Variants in BACH2 observed in about 807,000 individuals in gnomAD.
BACH2 encodes the protein transcription regulator protein BACH2.
Under a neutral mutation model 61.8 loss-of-function variants are expected in BACH2, and 5 were observed. That is an observed-to-expected ratio of 0.08 (90% CI 0.04 to 0.17). BACH2 has a LOEUF of 0.17. Among genes scored for constraint, BACH2 ranks in the 10% least tolerant of loss-of-function variants. The pLI, the probability that BACH2 is intolerant of heterozygous loss-of-function variation, is 1.00. For synonymous variants in BACH2, 446 were observed against 440.1 expected, an observed-to-expected ratio of 1.01 and a Z score of -0.17; for missense variants, 824 against 1,091.1, an observed-to-expected ratio of 0.76 and a Z score of 3.45.
At chr6:89,994,302 C>T (rs1021298988) in intron 6 of BACH2, among the ~76,000 whole-genome samples, 4 of 152,144 alleles carry the variant, frequency 2.6e-5, no homozygotes, top group African/African-American at 7.2e-5. Flanking sequence ...GTTGGAAAAA[C>T]ATACGAGTTA....
At chr6:90,208,509 C>A (rs1582486283) in intron 3 of BACH2, among the ~76,000 whole-genome samples, 1 of 152,074 alleles carries the variant, frequency 6.6e-6, no homozygotes, top group African/African-American at 2.4e-5. Flanking sequence ...TGAGATACCA[C>A]CTCACACCAG....
chr6:90,109,930 T>A (rs1174742258), intron 4 of BACH2, among the ~76,000 whole-genome samples: 1 of 152,104 alleles, frequency 6.6e-6, no homozygotes, highest in African/African-American at 2.4e-5. Flanking sequence ...AACAAAACTT[T>A]AAAAAAATAG....
intron 6 of BACH2, among the ~76,000 whole-genome samples, chr6:89,978,599 T>C (rs1775779034): frequency 7.2e-6 from 1 of 138,808 alleles, no homozygotes; most frequent in Non-Finnish European, 1.5e-5. Flanking sequence ...AGTGCCACTC[T>C]GACCTAAATT....
Position 89,927,818 on chromosome 6 carries a change from C to T in BACH2, c.*4590G>A, listed in dbSNP as rs886821392. The stretch of plus-strand genomic sequence containing the variant: ...TGCACCGTCAGTTGAATAATTTATG[C>T]TCAATCTGCCACAATGAGACTTTTC... On this transcript the variant is annotated 3_prime_UTR_variant, in exon 9 of 9. Transcript: ENST00000257749. The T allele has an allele frequency of 6.5e-6, 1 of 152,796 alleles. No individual in the cohort carries two copies. The highest frequency in any genetic ancestry group is 2.4e-5 in the African/African-American group (1 of 41,452). 9.5% of individuals were successfully genotyped at this position (152,796 alleles called of 1,614,324 possible).
intron 4 of BACH2, among the ~76,000 whole-genome samples, chr6:90,113,534 T>C (rs950059206): frequency 1.3e-5 from 2 of 152,114 alleles, no homozygotes; most frequent in South Asian, 2.1e-4. Flanking sequence ...AAGAAGTTTA[T>C]TGAAAATAAT....
intron 4 of BACH2, chr6:90,116,811 T>C (rs1420052871): frequency 2.0e-6 from 1 of 506,548 alleles, no homozygotes; most frequent in Non-Finnish European, 3.5e-6. Context: ...TACACTTCTA[T>C]GTAGAGGTGT....
chr6:90,173,654 G>A (rs1767891209), intron 4 of BACH2, among the ~76,000 whole-genome samples: 1 of 152,106 alleles, frequency 6.6e-6, no homozygotes, highest in South Asian at 2.1e-4. Flanking sequence ...TAGATCAGTA[G>A]TTTCCTAATG....
At chr6:90,199,966 G>A (rs777255650) in intron 4 of BACH2, among the ~76,000 whole-genome samples, 3 of 152,056 alleles carry the variant, frequency 2.0e-5, no homozygotes, top group African/African-American at 4.8e-5. Flanking sequence ...CTCATCTCAC[G>A]GCCCTTTTAC....
At chr6:90,020,307 C>T (rs1778305205) in intron 5 of BACH2, among the ~76,000 whole-genome samples, 1 of 152,094 alleles carries the variant, frequency 6.6e-6, no homozygotes, top group African/African-American at 2.4e-5. Flanking sequence ...ACTTAATCCC[C>T]AATGTGGCAG....
rs1273816986 is a variant in BACH2 at position 90,170,045 on chromosome 6, C to G, written c.-162+36524G>C. ...ATATTTCTATTCATTTACTTTCTTA[C>G]TAAACAAGTGTCCAAGGAATTATAA... On this transcript the variant is annotated intron_variant, in intron 4 of 8. Coordinates refer to ENST00000257749, the MANE Select transcript of BACH2 (RefSeq NM_021813.4). 5.3e-5 allele frequency among the ~76,000 whole-genome samples: 8 copies of G among 152,118 alleles called. No individual in the cohort carries two copies. In the South Asian group the frequency reaches 1.7e-3, roughly 32 times the overall value.
At chr6:89,944,021 C>A (rs748547931) in intron 7 of BACH2, among the ~76,000 whole-genome samples, 1 of 152,228 alleles carries the variant, frequency 6.6e-6, no homozygotes, top group Non-Finnish European at 1.5e-5. Context: ...ATGGCAATGA[C>A]AAAATCTCCC....
chr6:90,118,355 C>T (rs1230491455), intron 4 of BACH2, among the ~76,000 whole-genome samples: 1 of 152,146 alleles, frequency 6.6e-6, no homozygotes, highest in Non-Finnish European at 1.5e-5. Flanking sequence ...AGTAAATATC[C>T]TTTTTAAGCA....
chr6:90,296,796 T>C lies in BACH2; in HGVS notation c.-762A>G, dbSNP rs1414621063. ...GGGCGTGCACGGCCGCTGCTGCCGC[T>C]GCTGCTGCTGCTGCTGCTGCTGAGG... On this transcript the variant is annotated 5_prime_UTR_variant, in exon 1 of 9. Transcript: ENST00000257749. 1.3e-5 allele frequency: 2 copies of C among 152,830 alleles called. No individual in the cohort carries two copies. Among genetic ancestry groups the C allele is most frequent in the Non-Finnish European group, 2.9e-5 (2 of 70,164 alleles). 9.5% of individuals were successfully genotyped at this position (152,830 alleles called of 1,614,324 possible).
chr6:90,134,478 G>T (rs540933117), intron 4 of BACH2, among the ~76,000 whole-genome samples: 3 of 152,204 alleles, frequency 2.0e-5, no homozygotes, highest in Non-Finnish European at 2.9e-5. Flanking sequence ...TTCCTGGTCG[G>T]ATGGGGTTAG....
intron 4 of BACH2, among the ~76,000 whole-genome samples, chr6:90,199,358 C>T (rs1306950255): frequency 2.0e-5 from 3 of 152,114 alleles, no homozygotes; most frequent in South Asian, 2.1e-4. Context: ...GAGAAGTCTA[C>T]GTAACTTAGG....
intron 4 of BACH2, among the ~76,000 whole-genome samples, chr6:90,130,134 G>A (rs995906872): frequency 4.6e-5 from 7 of 152,144 alleles, no homozygotes; most frequent in Non-Finnish European, 5.9e-5. Context: ...CCCTCTCCAA[G>A]TGTTGGGATT....
rs774175449 is a variant in BACH2 at position 89,938,311 on chromosome 6, G to A, written c.1876C>T (p.Pro626Ser). The A allele has an allele frequency of 6.2e-7, 1 of 1,614,186 alleles. No homozygotes were observed. Among genetic ancestry groups the A allele is most frequent in the Non-Finnish European group, 8.5e-7 (1 of 1,180,000 alleles). ...PFPVDQITDL[P>S]RNDFQMMIKM... is the part of the protein sequence containing the mutation. ...ATCATCATCTGGAAATCGTTCCTTG[G>A]AAGATCTGTGATTTGATCTACAGGA... The change falls in exon 8 of 9, where the codon CCA becomes TCA. Residue 626 changes from proline (P) to serine (S), a missense_variant. This residue lies in a region of BACH2 where 160 missense variants were observed against 283.5 expected (regional missense o/e 0.56). Coordinates refer to ENST00000257749, the MANE Select transcript of BACH2 (RefSeq NM_021813.4).
chr6:90,288,829 T>A, intron 1 of BACH2, among the ~76,000 whole-genome samples: 1 of 152,120 alleles, frequency 6.6e-6, no homozygotes, highest in East Asian at 1.9e-4. Context: ...CAGGTATAGT[T>A]TTTTACCTTT....
chr6:90,160,275 A>C lies in BACH2; in HGVS notation c.-162+46294T>G, dbSNP rs1785145543. ...TGCACACTGGACAAATACAGAAATT[A>C]GATAAGCCAAGTCCTTACTCTAAGT... On this transcript the variant is annotated intron_variant, in intron 4 of 8. Coordinates refer to ENST00000257749, the MANE Select transcript of BACH2 (RefSeq NM_021813.4). 3.9e-5 allele frequency among the ~76,000 whole-genome samples: 6 copies of C among 152,336 alleles called. No homozygotes were observed. The South Asian group carries it at 1.2e-3, about 32-fold the overall frequency.
Sources: gnomAD v4.1 joint callset for allele counts (sites outside exome capture counted in the v4.1 genomes callset) on GRCh38, gnomAD v4.1.1 for gene constraint, gnomAD v4.1.1 regional missense constraint, MANE v1.5 for transcripts, NCBI Gene and HGNC (gene_info 2026-07-23, HGNC 2026-07-21) for gene names.